The following FANCL variants were observed in gnomAD, a reference collection of about 807,000 sequenced individuals.
The protein encoded by FANCL is FA complementation group L.
FANCL carries 69 observed loss-of-function variants against 59.4 expected under a neutral mutation model. The ratio of observed to expected loss-of-function variants is 1.16; its 90% CI spans 0.96 to 1.42. The LOEUF (loss-of-function observed/expected upper bound fraction) is 1.42, where lower values mean the gene tolerates loss of function less well. Among genes scored for constraint, FANCL ranks in the 40% most tolerant of loss-of-function variants. The pLI, the probability that FANCL is intolerant of heterozygous loss-of-function variation, is 0.00. For missense variants in FANCL, 519 were observed against 447.2 expected, an observed-to-expected ratio of 1.16 and a Z score of -1.45; for synonymous variants, 180 against 147.1, an observed-to-expected ratio of 1.22 and a Z score of -1.62.
rs1389670408 is a variant in FANCL at position 58,204,193 on chromosome 2, G to C, written c.408C>G (p.Ile136Met). 3.7e-6 allele frequency: 6 copies of C among 1,613,282 alleles called. No homozygotes were observed. The highest frequency in any genetic ancestry group is 1.1e-5 in the South Asian group (1 of 91,058). ...CAGAAGCATCTTCTGCTTTTAACTT[G>C]ATGGTACTGAAGCAGGTATCCGCAT... ...LVYADTCFSTIKLKAEDASGR... is the reference protein window; with the variant it reads ...LVYADTCFSTMKLKAEDASGR... Residue 136 changes from isoleucine (I) to methionine (M), a missense_variant, in exon 6 of 14, where the codon ATC (isoleucine) becomes ATG (methionine). Coordinates refer to ENST00000233741, the MANE Select transcript of FANCL (RefSeq NM_018062.4).
intron 4 of FANCL, among the ~76,000 whole-genome samples, chr2:58,222,965 CTTTT>C (rs1233390259): frequency 2.6e-5 from 4 of 151,446 alleles, no homozygotes; most frequent in African/African-American, 9.7e-5. Flanking sequence ...AATTTTTATT[CTTTT>C]AAGTATATGT....
chr2:58,228,432 T>C (rs914914396), intron 3 of FANCL, among the ~76,000 whole-genome samples: 7 of 152,222 alleles, frequency 4.6e-5, no homozygotes, highest in Admixed American at 3.9e-4. Context: ...CCTTAGTTTA[T>C]TACAGATGAT....
chr2:58,236,559 AT>A (rs1391862918), intron 1 of FANCL, among the ~76,000 whole-genome samples: 2 of 151,954 alleles, frequency 1.3e-5, no homozygotes, highest in Non-Finnish European at 2.9e-5. Context: ...ATACAGAAAA[AT>A]ACCAAAACAA....
At chr2:58,239,650 G>A (rs1374858754) in intron 1 of FANCL, among the ~76,000 whole-genome samples, 1 of 152,120 alleles carries the variant, frequency 6.6e-6, no homozygotes, top group East Asian at 1.9e-4. Flanking sequence ...TCACTGTACT[G>A]TGGTTATGTA....
intron 7 of FANCL, among the ~76,000 whole-genome samples, chr2:58,197,106 T>G (rs560286692): frequency 6.6e-6 from 1 of 151,532 alleles, no homozygotes; most frequent in East Asian, 1.9e-4. Flanking sequence ...CTCTCTCTTC[T>G]CTATTTTGCT....
intron 7 of FANCL, among the ~76,000 whole-genome samples, chr2:58,183,501 T>C (rs1688121146): frequency 6.6e-6 from 1 of 152,062 alleles, no homozygotes; most frequent in African/African-American, 2.4e-5. Context: ...GTAGGTCCTA[T>C]TGAATCTTTA....
At chr2:58,166,113 AATTT>A (rs1685928561) in intron 7 of FANCL, among the ~76,000 whole-genome samples, 1 of 151,470 alleles carries the variant, frequency 6.6e-6, no homozygotes, top group Non-Finnish European at 1.5e-5. Flanking sequence ...TAAAAATCAT[AATTT>A]TTTTATTATA....
intron 7 of FANCL, among the ~76,000 whole-genome samples, chr2:58,178,427 A>G (rs926575288): frequency 3.3e-5 from 5 of 152,218 alleles, no homozygotes; most frequent in East Asian, 1.9e-4. Context: ...CTGGTTCAAC[A>G]TAAGCAAATC....
chr2:58,170,503 T>A (rs921003059), intron 7 of FANCL, among the ~76,000 whole-genome samples: 1 of 152,076 alleles, frequency 6.6e-6, no homozygotes, highest in Admixed American at 6.6e-5. Context: ...GCTAGCATCA[T>A]AATGACAGGA....
chr2:58,200,286 T>C (rs555862065), intron 6 of FANCL, among the ~76,000 whole-genome samples: 1 of 152,184 alleles, frequency 6.6e-6, no homozygotes, highest in East Asian at 1.9e-4. Flanking sequence ...GACCTCAGCT[T>C]TCTTTGGTTC....
chr2:58,196,361 T>C (rs1018038944), intron 7 of FANCL, among the ~76,000 whole-genome samples: 14 of 152,004 alleles, frequency 9.2e-5, no homozygotes, highest in African/African-American at 2.2e-4. Context: ...ATATTAACAT[T>C]TGTCAAATCT....
rs749711870 is a variant in FANCL at position 58,163,466 on chromosome 2, A to T, written c.743T>A (p.Leu248His). 6.2e-7 allele frequency: 1 copy of T among 1,611,194 alleles called. No individual in the cohort carries two copies. The highest frequency in any genetic ancestry group is 1.3e-5 in the African/African-American group (1 of 74,846). ...IEVDPRHPTM[L>H]PECFFLGADH... ...AGCTCCAAGAAAGAAGCACTCAGGA[A>T]GCATAGTAGGATGCCTGGGGTCTAC... The change falls in exon 9 of 14, where the codon CTT becomes CAT. Residue 248 changes from leucine to histidine, a missense_variant. Leu to His is a moderately conservative substitution (Grantham distance 99). Coordinates refer to ENST00000233741, the MANE Select transcript of FANCL (RefSeq NM_018062.4).
At chr2:58,169,127 G>C (rs374415004) in intron 7 of FANCL, among the ~76,000 whole-genome samples, 2 of 152,232 alleles carry the variant, frequency 1.3e-5, no homozygotes, top group East Asian at 1.9e-4. Context: ...CCTCAAGCAG[G>C]GGTCAAAAGA....
rs532375787 is a variant in FANCL, at chr2:58,229,877, A to G, written c.156-3T>C. On this transcript the variant is annotated splice_region_variant and splice_polypyrimidine_tract_variant and intron_variant, in intron 2 of 13. Coordinates refer to ENST00000233741, the MANE Select transcript of FANCL (RefSeq NM_018062.4). ...TCAGCTGCCAACTACATAATAATCT[A>G]AAATTTTAATGAGACAAAATGGTTT... 6.2e-7 allele frequency: 1 copy of G among 1,604,128 alleles called. No homozygotes were observed. Among genetic ancestry groups the G allele is most frequent in the South Asian group, 1.1e-5 (1 of 90,868 alleles).
intron 5 of FANCL, among the ~76,000 whole-genome samples, chr2:58,204,881 T>C (rs1329400504): frequency 6.6e-6 from 1 of 152,110 alleles, no homozygotes; most frequent in Non-Finnish European, 1.5e-5. Context: ...TGGCTTTAAG[T>C]TACCCTAAAT....
chr2:58,175,707 C>A (rs959603946), intron 7 of FANCL, among the ~76,000 whole-genome samples: 1 of 152,172 alleles, frequency 6.6e-6, no homozygotes, highest in Non-Finnish European at 1.5e-5. Flanking sequence ...TTGAAGCATT[C>A]CCTTTGAAAA....
At chr2:58,191,865 C>G (rs1038326061) in intron 7 of FANCL, among the ~76,000 whole-genome samples, 30 of 151,896 alleles carry the variant, frequency 2.0e-4, no homozygotes, top group African/African-American at 7.2e-4. Context: ...AAAGGATTTT[C>G]ATATACAACA....
At chr2:58,179,040 T>C (rs1687655007) in intron 7 of FANCL, among the ~76,000 whole-genome samples, 1 of 152,114 alleles carries the variant, frequency 6.6e-6, no homozygotes, top group Non-Finnish European at 1.5e-5. Flanking sequence ...GTGAAGGACC[T>C]CTTGAAGGAG....
chr2:58,222,402 T>A (rs532214602), intron 4 of FANCL, among the ~76,000 whole-genome samples: 2 of 152,212 alleles, frequency 1.3e-5, no homozygotes, highest in East Asian at 3.9e-4. Context: ...ATACATTTTT[T>A]AAAAAGTACC....
Sources: allele counts gnomAD v4.1 joint callset (sites outside exome capture counted in the v4.1 genomes callset), GRCh38; gene constraint gnomAD v4.1.1; transcripts MANE v1.5; gene names NCBI Gene and HGNC (gene_info 2026-07-23, HGNC 2026-07-21).